SMARCD1: variants seen among roughly 807,000 people sequenced by gnomAD.
SMARCD1 encodes the protein SWI/SNF related BAF chromatin remodeling complex subunit D1, also known as SWI/SNF-related matrix-associated actin-dependent regulator of chromatin subfamily D member 1.
In SMARCD1, 16 loss-of-function variants were observed where a neutral mutation model predicts 70.8. That is an observed-to-expected ratio of 0.23 (90% CI 0.15 to 0.34). The LOEUF is 0.34. Ranked by LOEUF, SMARCD1 falls within the 10% of genes least tolerant of loss-of-function variation. The pLI is 1.00. For missense variants in SMARCD1, 409 were observed against 655.5 expected, an observed-to-expected ratio of 0.62 and a Z score of 4.11; for synonymous variants, 249 against 246.0, an observed-to-expected ratio of 1.01 and a Z score of -0.11.
At position 50,099,095 on chromosome 12, in the gene SMARCD1, G is replaced by A. The variant is rs1039109713; in HGVS notation, c.*95G>A. Reference sequence around the variant, plus strand: ...TATCTGCCTTGGTCTTGCTTGGGGCGTTCCAGGGGATGCTGTTGGTTCAAG... The same window carrying A: ...TATCTGCCTTGGTCTTGCTTGGGGCATTCCAGGGGATGCTGTTGGTTCAAG... On this transcript the variant is annotated 3_prime_UTR_variant, in exon 13 of 13. Transcript: ENST00000394963. The A allele has an allele frequency of 5.0e-5, 57 of 1,145,684 alleles. No individual in the cohort carries two copies. The Admixed American group carries it at 7.0e-4, about 14-fold the overall frequency. 71.0% of individuals were successfully genotyped at this position (1,145,684 alleles called of 1,614,324 possible). A position where few individuals can be genotyped will look rare whatever the true frequency, so the allele number is the denominator to read the frequency against.
Position 50,096,909 on chromosome 12 carries a change from C to T in SMARCD1, c.1329C>T (p.Ser443=), listed in dbSNP as rs1451316726. 6.2e-7 allele frequency: 1 copy of T among 1,613,958 alleles called. No individual in the cohort carries two copies. Among genetic ancestry groups the T allele is most frequent in the South Asian group, 1.1e-5 (1 of 91,084 alleles). Residue 443 remains serine, a synonymous_variant, in exon 11 of 13, where the codon AGC becomes AGT. Coordinates refer to ENST00000394963, the MANE Select transcript of SMARCD1 (RefSeq NM_003076.5). ...AGACTCAGCGGGAGTTCATGCTGAG[C>T]TTTGCCAGAGACCCTCAGGGTTTCA... ...QLKTQREFML[S]FARDPQGFIN...
At chr12:50,091,691 C>G (rs1223106940) in intron 9 of SMARCD1, among the ~76,000 whole-genome samples, 1 of 152,138 alleles carries the variant, frequency 6.6e-6, no homozygotes, top group African/African-American at 2.4e-5. Flanking sequence ...ATTCTCCCTC[C>G]CCAGCCTCCC....
chr12:50,091,849 A>T (rs1950846558), intron 9 of SMARCD1, among the ~76,000 whole-genome samples: 1 of 152,148 alleles, frequency 6.6e-6, no homozygotes, highest in East Asian at 1.9e-4. Context: ...AAGTGCTGGG[A>T]TTACAGGTGT....
At chr12:50,087,264 GC>G (rs1950800248) in intron 4 of SMARCD1, 98 bp from the exon 5 acceptor site, 1 of 1,410,522 alleles carries the variant, frequency 7.1e-7, no homozygotes, top group East Asian at 2.3e-5. Flanking sequence ...TAGACAGTAA[GC>G]CAGTCTGTTA....
At chr12:50,090,653 A>C (rs1442207180) in intron 9 of SMARCD1, 63 bp downstream of exon 9, 1 of 1,259,932 alleles carries the variant, frequency 7.9e-7, no homozygotes, top group African/African-American at 1.5e-5. Flanking sequence ...TGCACAAGCC[A>C]GTTGTCAAAT....
chr12:50,095,754 A>C (rs1459458975), intron 10 of SMARCD1, among the ~76,000 whole-genome samples: 1 of 152,212 alleles, frequency 6.6e-6, no homozygotes, highest in African/African-American at 2.4e-5. Context: ...CAGAGAAGAG[A>C]GAGAGAGCCT....
At position 50,100,191 on chromosome 12, in the gene SMARCD1, A is replaced by G. The variant is rs920108532; in HGVS notation, c.*1191A>G. The G allele has an allele frequency of 3.3e-5, 5 of 152,598 alleles. No homozygotes were observed. The highest frequency in any genetic ancestry group is 1.2e-4 in the African/African-American group (5 of 41,422). The allele number at this position is 152,598 out of a possible 1,614,324, so 9.5% of individuals were successfully genotyped here. ...GCCTCACATTCTTCTTCCAGGTTGT[A>G]TCACCCCCGAGTTAGCATATCCCAG... On this transcript the variant is annotated 3_prime_UTR_variant, in exon 13 of 13. Transcript: ENST00000394963.
intron 10 of SMARCD1, 85 bp downstream of exon 10, chr12:50,094,657 A>G: frequency 7.5e-7 from 1 of 1,339,024 alleles, no homozygotes; most frequent in Non-Finnish European, 1.0e-6. Context: ...GTGTTCATTC[A>G]AAATACGGTG....
intron 10 of SMARCD1, among the ~76,000 whole-genome samples, chr12:50,094,862 A>G (rs912747814): frequency 6.6e-6 from 1 of 152,110 alleles, no homozygotes; most frequent in East Asian, 1.9e-4. Context: ...CAGTGGTGCA[A>G]TCCCGCCTCA....
intron 6 of SMARCD1, 41 bp downstream of exon 6, chr12:50,088,678 G>A (rs770123422): frequency 8.9e-7 from 1 of 1,126,274 alleles, no homozygotes; most frequent in Non-Finnish European, 1.3e-6. Flanking sequence ...CTGATTGGAG[G>A]ATGATGGACT....
rs1950785758 is a variant in SMARCD1 at position 50,086,049 on chromosome 12, T to G, written c.178-112T>G. 3.9e-6 allele frequency: 3 copies of G among 778,248 alleles called. No homozygotes were observed. The East Asian group carries it at 8.1e-5, about 21-fold the overall frequency. The allele number at this position is 778,248 out of a possible 1,614,324, so 48.2% of individuals were successfully genotyped here. A position where few individuals can be genotyped will look rare whatever the true frequency, so the allele number is the denominator to read the frequency against. On this transcript the variant is annotated intron_variant, in intron 1 of 12. Transcript: ENST00000394963. ...GGGTTCTCCTCTCATTGTCCTCCAT[T>G]CCATCCCTAAACCTTACTTCATTCA...
intron 12 of SMARCD1, 24 bp from the exon 13 acceptor site, chr12:50,098,923 C>T (rs754970563): frequency 6.2e-7 from 1 of 1,613,398 alleles, no homozygotes; most frequent in Non-Finnish European, 8.5e-7. Flanking sequence ...TCATCTTCCA[C>T]TCCCTTCACT....
At chr12:50,094,676 T>G in intron 10 of SMARCD1, 104 bp downstream of exon 10, 1 of 1,116,474 alleles carries the variant, frequency 9.0e-7, no homozygotes, top group Non-Finnish European at 1.3e-6. Context: ...TGACACCCAG[T>G]ATATGTCAGG....
intron 11 of SMARCD1, among the ~76,000 whole-genome samples, chr12:50,097,419 G>A (rs1191614779): frequency 6.6e-6 from 1 of 152,106 alleles, no homozygotes; most frequent in South Asian, 2.1e-4. Flanking sequence ...GGGCGTGGTG[G>A]TGCGCGCCTG....
rs1473235153 is a variant in SMARCD1 at position 50,096,892 on chromosome 12, C to T, written c.1312C>T (p.Arg438Trp). ...AACCATCAACCAGCTGAAGACTCAG[C>T]GGGAGTTCATGCTGAGCTTTGCCAG... ...IETINQLKTQ[R>W]EFMLSFARDP... Residue 438 changes from arginine to tryptophan, a missense_variant, in exon 11 of 13, where the codon CGG becomes TGG. This residue lies in a region of SMARCD1 where 269 missense variants were observed against 498.6 expected (regional missense o/e 0.54). Coordinates refer to ENST00000394963, the MANE Select transcript of SMARCD1 (RefSeq NM_003076.5). 1.2e-6 allele frequency: 2 copies of T among 1,613,772 alleles called. No homozygotes were observed. Among genetic ancestry groups the T allele is most frequent in the Non-Finnish European group, 1.7e-6 (2 of 1,179,730 alleles).
intron 9 of SMARCD1, among the ~76,000 whole-genome samples, chr12:50,093,334 G>A (rs543560464): frequency 3.3e-5 from 5 of 151,322 alleles, no homozygotes; most frequent in Admixed American, 6.6e-5. Flanking sequence ...AATTACAGGC[G>A]TGCACCACTT....
intron 5 of SMARCD1, among the ~76,000 whole-genome samples, chr12:50,087,895 G>A (rs185238237): frequency 6.6e-6 from 1 of 152,166 alleles, no homozygotes; most frequent in African/African-American, 2.4e-5. Context: ...AAGTAGGATA[G>A]ATTTCTCTTG....
At chr12:50,098,503 G>A (rs1436584684) in intron 11 of SMARCD1, 2 of 573,218 alleles carry the variant, frequency 3.5e-6, no homozygotes, top group Non-Finnish European at 6.2e-6. Flanking sequence ...GAACCTACCG[G>A]TCATATTAGG....
chr12:50,098,013 A>G (rs1419085517), intron 11 of SMARCD1, among the ~76,000 whole-genome samples: 1 of 152,144 alleles, frequency 6.6e-6, no homozygotes, highest in East Asian at 1.9e-4. Context: ...TTGGGATTTG[A>G]AGACGTTCCC....
Sources: allele counts gnomAD v4.1 joint callset (sites outside exome capture counted in the v4.1 genomes callset), GRCh38; gene constraint gnomAD v4.1.1; regional missense constraint gnomAD v4.1.1; transcripts MANE v1.5; gene names NCBI Gene and HGNC (gene_info 2026-07-23, HGNC 2026-07-21).